PPP2R3B: variants seen among roughly 807,000 people sequenced by gnomAD.
The protein encoded by PPP2R3B is protein phosphatase 2 regulatory subunit B''beta, also known as serine/threonine-protein phosphatase 2A regulatory subunit B'' subunit beta.
A neutral mutation model predicts 72.9 loss-of-function variants in PPP2R3B; 68 were observed. The observed-to-expected ratio is 0.93, with a 90% CI of 0.77 to 1.14. The LOEUF (loss-of-function observed/expected upper bound fraction) is 1.14. PPP2R3B is among the 50% of genes most tolerant of loss of function. The probability of loss-of-function intolerance (pLI) is 0.00; values close to 1 mark genes in which losing one functional copy is unlikely to be tolerated. For synonymous variants in PPP2R3B, 466 were observed against 375.8 expected (o/e 1.24, Z -2.78); for missense variants, 1,018 against 842.0 (o/e 1.21, Z -2.59).
rs1343779163 is a variant in PPP2R3B at position 338,809 on chromosome X, T to C, written c.1439A>G (p.His480Arg). ...CAGGGAGATCTGCTCTTTCTGCTCG[T>C]GGTCGAGGTACTTCTCGATGTTGAA... ...TFFNIEKYLD[H>R]EQKEQISLLR... Residue 480 changes from histidine (H) to arginine (R), a missense_variant, in exon 11 of 13, where the codon CAC (histidine) becomes CGC (arginine). His to Arg is a conservative substitution (Grantham distance 29). Coordinates refer to ENST00000390665, the MANE Select transcript of PPP2R3B (RefSeq NM_013239.5). 2 of 1,612,302 alleles carry C rather than the reference T, an allele frequency of 1.2e-6. No individual in the cohort carries two copies. The highest frequency in any genetic ancestry group is 1.3e-5 in the African/African-American group (1 of 74,922).
chrX:347,342 A>G lies in PPP2R3B; in HGVS notation c.615-6T>C. On this transcript the variant is annotated splice_region_variant and splice_polypyrimidine_tract_variant and intron_variant, in intron 3 of 12. Transcript: ENST00000390665. ...CGTGGCAGTTCTGGAGGATTCTGGA[A>G]GGACAGGATGACTGGGCACCACCCT... The G allele has an allele frequency of 6.2e-7, 1 of 1,613,486 alleles. No individual in the cohort carries two copies. Among genetic ancestry groups the G allele is most frequent in the Non-Finnish European group, 8.5e-7 (1 of 1,179,564 alleles).
intron 1 of PPP2R3B, among the ~76,000 whole-genome samples, chrX:379,188 TGTGTGTATGC>T (rs1470984668): frequency 5.7e-4 from 86 of 152,008 alleles, no homozygotes; most frequent in African/African-American, 1.6e-3. Context: ...GACCTATGTA[TGTGTGTATGC>T]GTGTGTATGC....
rs180890834 is a variant in PPP2R3B at position 356,364 on chromosome X, C to T, written c.510+5041G>A. ...CCGAGTAGCTGGAATGACAGGTGCC[C>T]GCCACCATACCTGGCTAATTTTTGT... On this transcript the variant is annotated intron_variant, in intron 2 of 12. Transcript: ENST00000390665. Among the ~76,000 whole-genome samples, 937 of 152,160 alleles carry T rather than the reference C, an allele frequency of 6.2e-3. 9 individuals carry two copies. The highest frequency in any genetic ancestry group is 0.021 in the African/African-American group (886 of 41,528).
chrX:359,100 G>A (rs1029101992), intron 2 of PPP2R3B, among the ~76,000 whole-genome samples: 1 of 152,180 alleles, frequency 6.6e-6, no homozygotes, highest in Non-Finnish European at 1.5e-5. Flanking sequence ...CGCAGCGCGT[G>A]AGCTGCAAAA....
intron 1 of PPP2R3B, among the ~76,000 whole-genome samples, chrX:375,269 C>G (rs370287721): frequency 3.3e-5 from 5 of 152,330 alleles, no homozygotes; most frequent in African/African-American, 1.2e-4. Context: ...TGTGCTCAAA[C>G]CACCAGGAGA....
At chrX:334,683 C>A (rs776140450) in intron 12 of PPP2R3B, 166 bp from the exon 13 acceptor site, 1 of 814,670 alleles carries the variant, frequency 1.2e-6, no homozygotes. Flanking sequence ...TGGCTGAGGA[C>A]GCCGGCTCCA....
At chrX:353,733 G>GGACCGGGGGCTGGGGGCTCACCCAAA (rs2071375675) in intron 2 of PPP2R3B, among the ~76,000 whole-genome samples, 1 of 152,208 alleles carries the variant, frequency 6.6e-6, no homozygotes, top group African/African-American at 2.4e-5. Flanking sequence ...GGTGGACCAG[G>GGACCGGGGGCTGGGGGCTCACCCAAA]GACCGGGGGC....
At position 386,520 on chromosome X, in the gene PPP2R3B, A is replaced by G; in HGVS notation, c.172T>C (p.Trp58Arg). 1 of 1,363,786 alleles carries G rather than the reference A, an allele frequency of 7.3e-7. No homozygotes were observed. Among genetic ancestry groups the G allele is most frequent in the South Asian group, 1.7e-5 (1 of 58,552 alleles). 84.5% of individuals were successfully genotyped at this position (1,363,786 alleles called of 1,614,324 possible). Reference protein sequence around the residue: ...TPGDGEQPGAWPTAPLAAPRP... With the variant: ...TPGDGEQPGARPTAPLAAPRP... ...GGGGCGGCGAGCGGGGCTGTGGGCC[A>G]GGCCCCGGGCTGCTCCCCGTCCCCC... Residue 58 changes from tryptophan to arginine, a missense_variant, in exon 1 of 13, where the codon TGG (tryptophan) becomes CGG (arginine). Coordinates refer to ENST00000390665, the MANE Select transcript of PPP2R3B (RefSeq NM_013239.5).
At chrX:349,754 A>G (rs1402671928) in intron 2 of PPP2R3B, among the ~76,000 whole-genome samples, 2 of 152,252 alleles carry the variant, frequency 1.3e-5, no homozygotes, top group East Asian at 3.8e-4. Flanking sequence ...ATCTATCAAG[A>G]GCATGAAAAA....
chrX:383,680 A>G (rs1193759003), intron 1 of PPP2R3B, among the ~76,000 whole-genome samples: 1 of 151,638 alleles, frequency 6.6e-6, no homozygotes, highest in African/African-American at 2.4e-5. Flanking sequence ...TACTAAAAAT[A>G]CAAAAAAATT....
intron 1 of PPP2R3B, among the ~76,000 whole-genome samples, chrX:385,315 GT>G (rs2072221777): frequency 1.9e-5 from 2 of 106,740 alleles, no homozygotes; most frequent in South Asian, 3.2e-4. Flanking sequence ...CTTGTTTTTA[GT>G]TTTCTTTTTT....
chrX:342,019 G>A lies in PPP2R3B; in HGVS notation c.1037-88C>T, dbSNP rs1248671558. The A allele has an allele frequency of 3.7e-5, 56 of 1,525,492 alleles. No individual in the cohort carries two copies. In the East Asian group the frequency reaches 7.6e-4, roughly 21 times the overall value. The allele number at this position is 1,525,492 out of a possible 1,614,324, so 94.5% of individuals were successfully genotyped here. ...CCGGAGCCGAGACTGGATGCGGTGG[G>A]GACCGAAAAGCTGAGAGGACGCCTG... On this transcript the variant is annotated intron_variant, in intron 7 of 12. Transcript: ENST00000390665.
rs1163388414 is a variant in PPP2R3B at position 357,983 on chromosome X, ATCAAAC to A, written c.510+3416_510+3421del. ...TAAGATCCACGGGGGGACCCCCCTC[ATCAAAC>A]TCAAAGTCCCCTCAGACGTGAGTTC... On this transcript the variant is annotated intron_variant, in intron 2 of 12. Transcript: ENST00000390665. 2.0e-5 allele frequency among the ~76,000 whole-genome samples: 3 copies of A among 152,174 alleles called. No individual in the cohort carries two copies. In the East Asian group the frequency reaches 5.8e-4, roughly 29 times the overall value.
rs748300478 is a variant in PPP2R3B, at chrX:370,547, G to A, written c.325-8957C>T. On this transcript the variant is annotated intron_variant, in intron 1 of 12. Transcript: ENST00000390665. ...GGGGAGGATCCGGCACCCTCCCTGCGTCCACAAGCCCCTGGCGGATGCTCC... is the reference window on the plus strand; with the variant it reads ...GGGGAGGATCCGGCACCCTCCCTGCATCCACAAGCCCCTGGCGGATGCTCC... 8.5e-5 allele frequency among the ~76,000 whole-genome samples: 13 copies of A among 152,284 alleles called. No individual in the cohort carries two copies. The South Asian group carries it at 1.9e-3, about 22-fold the overall frequency.
intron 1 of PPP2R3B, among the ~76,000 whole-genome samples, chrX:364,441 G>A (rs888006862): frequency 1.4e-5 from 2 of 147,444 alleles, no homozygotes; most frequent in South Asian, 2.1e-4. Flanking sequence ...GGCTGAGGGG[G>A]ACAGACTGTC....
At chrX:361,751 A>C (rs1175356885) in intron 1 of PPP2R3B, 161 bp from the exon 2 acceptor site, 1 of 285,610 alleles carries the variant, frequency 3.5e-6, no homozygotes, top group African/African-American at 2.3e-5. Context: ...CCACACACGT[A>C]CTCCACTGCA....
intron 1 of PPP2R3B, among the ~76,000 whole-genome samples, chrX:367,833 C>G (rs2071755814): frequency 6.6e-6 from 1 of 152,088 alleles, no homozygotes; most frequent in Admixed American, 6.6e-5. Context: ...ACTTAAGGAC[C>G]CAGAGGCTAC....
At chrX:346,620 T>A in intron 5 of PPP2R3B, 81 bp downstream of exon 5, 1 of 1,369,744 alleles carries the variant, frequency 7.3e-7, no homozygotes, top group Admixed American at 2.1e-5. Context: ...GCCCGCCCCG[T>A]CCGCAGAAGC....
chrX:370,795 C>T (rs564688292), intron 1 of PPP2R3B, among the ~76,000 whole-genome samples: 31 of 152,290 alleles, frequency 2.0e-4, no homozygotes, highest in African/African-American at 7.5e-4. Flanking sequence ...GCGGTGAGAG[C>T]AGGAGGTGCG....
Sources: allele counts gnomAD v4.1 joint callset (sites outside exome capture counted in the v4.1 genomes callset), GRCh38; gene constraint gnomAD v4.1.1; transcripts MANE v1.5; gene names NCBI Gene and HGNC (gene_info 2026-07-23, HGNC 2026-07-21).